LIMCH1: variants seen among roughly 807,000 people sequenced by gnomAD.
The protein encoded by LIMCH1 is LIM and calponin homology domains-containing protein 1.
Under a neutral mutation model 176.5 loss-of-function variants are expected in LIMCH1, and 113 were observed. The observed-to-expected ratio is 0.64, with a 90% CI of 0.55 to 0.75. The LOEUF is 0.75. LIMCH1 is among the 30% of genes least tolerant of loss of function. The pLI, the probability that LIMCH1 is intolerant of heterozygous loss-of-function variation, is 0.00. For missense variants in LIMCH1, 1,674 were observed against 1,814.9 expected (o/e 0.92, Z 1.41); for synonymous variants, 619 against 645.9 (o/e 0.96, Z 0.63).
chr4:41,418,420 G>A (rs2060125718), intron 1 of LIMCH1, among the ~76,000 whole-genome samples: 1 of 152,222 alleles, frequency 6.6e-6, no homozygotes, highest in African/African-American at 2.4e-5. Context: ...ATCTTGGTCA[G>A]CCACATGCAT....
intron 13 of LIMCH1, among the ~76,000 whole-genome samples, chr4:41,638,174 T>A (rs556357843): frequency 2.6e-4 from 39 of 152,154 alleles, no homozygotes; most frequent in Non-Finnish European, 3.8e-4. Flanking sequence ...TGTTCTAATA[T>A]TTTTCTAATT....
In LIMCH1 at chr4:41,631,350, C is replaced by A; in HGVS notation, c.1474C>A (p.Pro492Thr). The change falls in exon 10 of 32, where the codon CCT becomes ACT. Residue 492 changes from proline to threonine, a missense_variant. Pro to Thr is a conservative substitution (Grantham distance 38, BLOSUM62 -1). This residue lies in a region of LIMCH1 where 655 missense variants were observed against 692.2 expected (regional missense o/e 0.95). Transcript: ENST00000503057. ...GCGGCTTAGCATTGGCAAGGCTGGG[C>A]CTAGAGAGGATGAAGAAGAAGTCAT... ...WKRLSIGKAG[P>T]REDEEEVICH... 1 of 1,536,154 alleles carries A rather than the reference C, an allele frequency of 6.5e-7. No individual in the cohort carries two copies. Among genetic ancestry groups the A allele is most frequent in the Non-Finnish European group, 8.7e-7 (1 of 1,146,926 alleles).
intron 1 of LIMCH1, among the ~76,000 whole-genome samples, chr4:41,388,952 G>GT (rs776073831): frequency 2.6e-5 from 4 of 152,244 alleles, no homozygotes; most frequent in Admixed American, 2.6e-4. Context: ...CCATAAAGCT[G>GT]TTTTTTTAAA....
At chr4:41,423,625 C>G (rs1157101196) in intron 1 of LIMCH1, among the ~76,000 whole-genome samples, 1 of 152,076 alleles carries the variant, frequency 6.6e-6, no homozygotes, top group Non-Finnish European at 1.5e-5. Flanking sequence ...CTGCCTTCTC[C>G]AAGCCTATAG....
intron 6 of LIMCH1, 52 bp from the exon 7 acceptor site, chr4:41,620,372 G>T (rs997112075): frequency 8.0e-6 from 12 of 1,491,734 alleles, no homozygotes; most frequent in Admixed American, 4.2e-5. Flanking sequence ...CATGGGGTCT[G>T]CTCCCCAGCC....
At chr4:41,661,318 G>A in intron 18 of LIMCH1, 102 bp from the exon 19 acceptor site, 1 of 793,226 alleles carries the variant, frequency 1.3e-6, no homozygotes, top group Non-Finnish European at 2.1e-6. Context: ...GAATTCATAT[G>A]GCCAAACCAC....
chr4:41,488,739 T>C (rs1264597408), intron 1 of LIMCH1, among the ~76,000 whole-genome samples: 2 of 152,186 alleles, frequency 1.3e-5, no homozygotes, highest in African/African-American at 4.8e-5. Context: ...GTAAAAGTCA[T>C]ATATGATTCC....
chr4:41,441,041 C>A (rs2062652181), intron 1 of LIMCH1, among the ~76,000 whole-genome samples: 1 of 152,110 alleles, frequency 6.6e-6, no homozygotes, highest in African/African-American at 2.4e-5. Context: ...GTATGGAGAT[C>A]TCTTTCCCTT....
intron 2 of LIMCH1, among the ~76,000 whole-genome samples, chr4:41,506,581 G>A (rs2074189770): frequency 2.0e-5 from 3 of 152,270 alleles, no homozygotes; most frequent in Non-Finnish European, 4.4e-5. Context: ...CAGTGTACGA[G>A]TAAATGTAAA....
chr4:41,429,582 A>G (rs1216799145), intron 1 of LIMCH1, among the ~76,000 whole-genome samples: 1 of 152,180 alleles, frequency 6.6e-6, no homozygotes, highest in Non-Finnish European at 1.5e-5. Flanking sequence ...TTGAACCTAT[A>G]AAGAATTATG....
intron 14 of LIMCH1, among the ~76,000 whole-genome samples, chr4:41,642,706 G>A (rs2093877388): frequency 7.7e-6 from 1 of 130,406 alleles, no homozygotes; most frequent in Admixed American, 8.0e-5. Flanking sequence ...CTATAGGCGT[G>A]TGCTAGCATG....
chr4:41,440,475 A>G (rs1213403119), intron 1 of LIMCH1, among the ~76,000 whole-genome samples: 2 of 152,180 alleles, frequency 1.3e-5, no homozygotes, highest in Non-Finnish European at 2.9e-5. Flanking sequence ...CTGAGATATT[A>G]TAATAAGCTG....
chr4:41,460,478 A>ATATATATATATATC (rs1410622782), intron 1 of LIMCH1, among the ~76,000 whole-genome samples: 2 of 145,088 alleles, frequency 1.4e-5, no homozygotes, highest in African/African-American at 5.1e-5. Context: ...ATATATATAT[A>ATATATATATATATC]TCTTATAATA....
chr4:41,622,998 G>A (rs746518483), intron 7 of LIMCH1, among the ~76,000 whole-genome samples: 11 of 152,148 alleles, frequency 7.2e-5, no homozygotes, highest in Non-Finnish European at 1.0e-4. Flanking sequence ...GCCAGCCAGC[G>A]CTCTCACAAA....
intron 1 of LIMCH1, among the ~76,000 whole-genome samples, chr4:41,442,205 C>G (rs943737175): frequency 1.3e-5 from 2 of 152,036 alleles, no homozygotes; most frequent in Non-Finnish European, 2.9e-5. Flanking sequence ...GAGGCTGATG[C>G]GAGAGGATCA....
intron 1 of LIMCH1, among the ~76,000 whole-genome samples, chr4:41,450,579 A>G (rs1421252441): frequency 1.3e-5 from 2 of 151,934 alleles, no homozygotes; most frequent in Non-Finnish European, 2.9e-5. Context: ...AGGCGGGCGG[A>G]TCACTTGAGG....
chr4:41,557,876 A>T (rs2081493967), intron 1 of LIMCH1, among the ~76,000 whole-genome samples: 1 of 151,822 alleles, frequency 6.6e-6, no homozygotes, highest in Non-Finnish European at 1.5e-5. Context: ...CTGAATAAGA[A>T]TCCTGGAGAG....
intron 1 of LIMCH1, among the ~76,000 whole-genome samples, chr4:41,443,200 T>C (rs1367162155): frequency 0.011 from 500 of 44,410 alleles, 2 homozygotes; most frequent in Non-Finnish European, 0.015. Context: ...TTCTTTTTTT[T>C]TTTTTTTTTT....
chr4:41,605,277 A>G (rs966930705), intron 3 of LIMCH1, among the ~76,000 whole-genome samples: 6 of 152,180 alleles, frequency 3.9e-5, no homozygotes, highest in African/African-American at 1.4e-4. Flanking sequence ...CCCATCTCAG[A>G]TTAATGGGAA....
Sources: allele counts gnomAD v4.1 joint callset (sites outside exome capture counted in the v4.1 genomes callset), GRCh38; gene constraint gnomAD v4.1.1; regional missense constraint gnomAD v4.1.1; transcripts MANE v1.5; gene names NCBI Gene and HGNC (gene_info 2026-07-23, HGNC 2026-07-21).